Variants in PPM1D observed in about 807,000 individuals in gnomAD.
PPM1D encodes the protein protein phosphatase 1D.
PPM1D carries 52 observed loss-of-function variants against 58.3 expected under a neutral mutation model. The ratio of observed to expected loss-of-function variants is 0.89; its 90% confidence interval spans 0.71 to 1.12. The LOEUF is 1.12. Ranked by LOEUF, PPM1D falls within the 50% of genes most tolerant of loss-of-function variation. The probability of loss-of-function intolerance (pLI) is 0.00; values close to 1 mark genes in which losing one functional copy is unlikely to be tolerated. For missense variants in PPM1D, 564 were observed against 777.2 expected (o/e 0.73, Z 3.26); for synonymous variants, 278 against 285.1 (o/e 0.98, Z 0.25).
chr17:60,635,554 G>T (rs1341171721), intron 3 of PPM1D, among the ~76,000 whole-genome samples: 2 of 152,100 alleles, frequency 1.3e-5, no homozygotes, highest in Admixed American at 6.5e-5. Flanking sequence ...GGAATTTCTG[G>T]GTCATAGTAT....
chr17:60,623,060 A>G (rs1462628636), intron 1 of PPM1D, among the ~76,000 whole-genome samples: 2 of 152,190 alleles, frequency 1.3e-5, no homozygotes, highest in Non-Finnish European at 2.9e-5. Flanking sequence ...GTGACAGAGT[A>G]AGACTCAATC....
chr17:60,635,404 G>A (rs1303716433), intron 3 of PPM1D, among the ~76,000 whole-genome samples: 1 of 151,972 alleles, frequency 6.6e-6, no homozygotes, highest in Non-Finnish European at 1.5e-5. Context: ...TAGTAGAGAC[G>A]GGGTTTCTCT....
At chr17:60,615,761 C>G (rs925086831) in intron 1 of PPM1D, among the ~76,000 whole-genome samples, 1 of 150,660 alleles carries the variant, frequency 6.6e-6, no homozygotes, top group Non-Finnish European at 1.5e-5. Flanking sequence ...GCTATCCCCT[C>G]CTGCCTTGGC....
At chr17:60,652,943 T>A (rs1567976684) in intron 4 of PPM1D, among the ~76,000 whole-genome samples, 1 of 152,208 alleles carries the variant, frequency 6.6e-6, no homozygotes, top group Non-Finnish European at 1.5e-5. Flanking sequence ...GCAGATGTTT[T>A]ATCCCATTCT....
Position 60,623,546 on chromosome 17 carries a change from T to C in PPM1D, c.498T>C (p.Gly166=). 1 of 1,613,438 alleles carries C rather than the reference T, an allele frequency of 6.2e-7. No individual in the cohort carries two copies. The highest frequency in any genetic ancestry group is 1.7e-5 in the Admixed American group (1 of 59,984). Residue 166 remains glycine, a synonymous_variant, in exon 2 of 6, where the codon GGT becomes GGC. Transcript: ENST00000305921. ...CGGAATGGCCAAAGACTATGACGGGTCTTCCTAGCACATCAGGGACAACTG... is the reference window on the plus strand; with the variant it reads ...CGGAATGGCCAAAGACTATGACGGGCCTTCCTAGCACATCAGGGACAACTG... ...KLAEWPKTMT[G]LPSTSGTTAS...
At chr17:60,612,571 A>G (rs934237649) in intron 1 of PPM1D, among the ~76,000 whole-genome samples, 2 of 152,178 alleles carry the variant, frequency 1.3e-5, no homozygotes, top group African/African-American at 4.8e-5. Flanking sequence ...AATTGATGGG[A>G]TTTGGTGGTT....
At chr17:60,658,923 G>A (rs766342539) in intron 5 of PPM1D, among the ~76,000 whole-genome samples, 24 of 152,278 alleles carry the variant, frequency 1.6e-4, no homozygotes, top group African/African-American at 5.5e-4. Context: ...TCGCGTTGCA[G>A]CACTCCAGCC....
intron 3 of PPM1D, 22 bp from the exon 4 acceptor site, chr17:60,647,870 T>C (rs1215222150): frequency 1.3e-6 from 2 of 1,589,300 alleles, no homozygotes; most frequent in Non-Finnish European, 8.6e-7. Context: ...TACTTCTTGC[T>C]TTTTCTGCTC....
intron 5 of PPM1D, 50 bp downstream of exon 5, chr17:60,656,891 TTGGTTAGCGTCACCTG>T (rs773855054): frequency 1.7e-5 from 27 of 1,611,328 alleles, no homozygotes; most frequent in Non-Finnish European, 2.3e-5. Context: ...CACCAGTTCT[TTGGTTAGCGTCACCTG>T]GAAACAATTT....
intron 1 of PPM1D, among the ~76,000 whole-genome samples, chr17:60,615,746 C>A (rs1405394045): frequency 6.8e-6 from 1 of 147,808 alleles, no homozygotes; most frequent in Non-Finnish European, 1.5e-5. Flanking sequence ...AACTCCTGGG[C>A]TGAAGCTATC....
intron 1 of PPM1D, among the ~76,000 whole-genome samples, chr17:60,614,912 C>T (rs1480148206): frequency 2.0e-5 from 3 of 152,180 alleles, no homozygotes; most frequent in Non-Finnish European, 4.4e-5. Flanking sequence ...AACTGTAACA[C>T]TCGTGGCAAG....
At chr17:60,625,059 T>C (rs2030779161) in intron 2 of PPM1D, among the ~76,000 whole-genome samples, 1 of 151,686 alleles carries the variant, frequency 6.6e-6, no homozygotes, top group Non-Finnish European at 1.5e-5. Context: ...GGAGAATTGC[T>C]TGAACCCAGG....
intron 1 of PPM1D, among the ~76,000 whole-genome samples, chr17:60,606,028 C>T (rs1038513883): frequency 6.6e-6 from 1 of 152,186 alleles, no homozygotes; most frequent in East Asian, 1.9e-4. Context: ...TTCATCAGCC[C>T]AAATAGAAAC....
intron 4 of PPM1D, among the ~76,000 whole-genome samples, chr17:60,654,593 G>A (rs528226351): frequency 3.3e-5 from 5 of 151,676 alleles, no homozygotes; most frequent in South Asian, 4.2e-4. Context: ...CGGGCACGGC[G>A]GTTCACACCT....
chr17:60,602,797 A>ACAAC lies in PPM1D; in HGVS notation c.472+1911_472+1912insCAAC, dbSNP rs1555643761. On this transcript the variant is annotated intron_variant, in intron 1 of 5. Coordinates refer to ENST00000305921, the MANE Select transcript of PPM1D (RefSeq NM_003620.4). ...AAAGCTTGAAAAAAAAAAAAAAAAA[A>ACAAC]AAAGTATGCTAATTATTTTGGGAGT... 2.7e-5 allele frequency among the ~76,000 whole-genome samples: 4 copies of ACAAC among 149,476 alleles called. No individual in the cohort carries two copies. In the South Asian group the frequency reaches 8.4e-4, roughly 31 times the overall value.
chr17:60,655,979 G>A (rs2031431915), intron 4 of PPM1D, among the ~76,000 whole-genome samples: 1 of 151,886 alleles, frequency 6.6e-6, no homozygotes, highest in African/African-American at 2.4e-5. Context: ...GGGATTACAG[G>A]CATGAGCCAT....
intron 1 of PPM1D, among the ~76,000 whole-genome samples, chr17:60,614,043 C>G (rs987408266): frequency 8.7e-5 from 5 of 57,426 alleles, no homozygotes; most frequent in African/African-American, 1.5e-4. Context: ...CCGGGACTGG[C>G]AGGCAGCTCC....
At chr17:60,621,338 G>C (rs942497974) in intron 1 of PPM1D, among the ~76,000 whole-genome samples, 2 of 152,106 alleles carry the variant, frequency 1.3e-5, no homozygotes, top group Admixed American at 1.3e-4. Flanking sequence ...TGGATATCCA[G>C]GTTTTCCAGT....
intron 1 of PPM1D, among the ~76,000 whole-genome samples, chr17:60,611,493 G>C (rs1338488938): frequency 1.3e-5 from 2 of 151,312 alleles, no homozygotes; most frequent in Non-Finnish European, 2.9e-5. Flanking sequence ...GCAGCGGCAC[G>C]ATCTTGGCTC....
Sources: gnomAD v4.1 joint callset for allele counts (sites outside exome capture counted in the v4.1 genomes callset) on GRCh38, gnomAD v4.1.1 for gene constraint, MANE v1.5 for transcripts, NCBI Gene and HGNC (gene_info 2026-07-23, HGNC 2026-07-21) for gene names.